FBXL7: variants seen among roughly 807,000 people sequenced by gnomAD.
FBXL7 encodes F-box/LRR-repeat protein 7.
A neutral mutation model predicts 38.3 loss-of-function variants in FBXL7; 12 were observed. That is an observed-to-expected ratio of 0.31 (90% CI 0.20 to 0.51). The LOEUF (loss-of-function observed/expected upper bound fraction) is 0.51, where lower values mean the gene tolerates loss of function less well. Ranked by LOEUF, FBXL7 falls within the 20% of genes least tolerant of loss-of-function variation. The pLI is 0.98. For missense variants in FBXL7, 567 were observed against 676.4 expected (o/e 0.84, Z 1.79); for synonymous variants, 297 against 300.9 (o/e 0.99, Z 0.13).
chr5:15,933,571 C>A (rs1330053783), intron 3 of FBXL7, among the ~76,000 whole-genome samples: 1 of 152,214 alleles, frequency 6.6e-6, no homozygotes, highest in Non-Finnish European at 1.5e-5. Flanking sequence ...GGACTAATCA[C>A]CTTTTGCAAA....
At chr5:15,754,047 G>T (rs569062547) in intron 2 of FBXL7, among the ~76,000 whole-genome samples, 14 of 152,336 alleles carry the variant, frequency 9.2e-5, no homozygotes, top group African/African-American at 3.4e-4. Context: ...ATGTGCAACA[G>T]AATCACTGGA....
At chr5:15,833,605 T>C (rs537427282) in intron 2 of FBXL7, among the ~76,000 whole-genome samples, 1 of 152,306 alleles carries the variant, frequency 6.6e-6, no homozygotes, top group African/African-American at 2.4e-5. Flanking sequence ...AAAGCAATAG[T>C]CACACAAGAC....
intron 2 of FBXL7, among the ~76,000 whole-genome samples, chr5:15,709,960 C>T (rs1339455988): frequency 6.6e-6 from 1 of 152,130 alleles, no homozygotes; most frequent in African/African-American, 2.4e-5. Flanking sequence ...CCTCCTAAAG[C>T]CTCCACCTAT....
At position 15,579,649 on chromosome 5, in the gene FBXL7, C is replaced by T. The variant is rs182672822; in HGVS notation, c.38-36334C>T. Among the ~76,000 whole-genome samples, 308 of 152,176 alleles carry T rather than the reference C, an allele frequency of 2.0e-3. 1 individual carries two copies. The highest frequency in any genetic ancestry group is 2.8e-3 in the Non-Finnish European group (190 of 68,012). On this transcript the variant is annotated intron_variant, in intron 1 of 3. Transcript: ENST00000504595. ...AAAAGTTAGTGACTTAAGCAACAGC[C>T]ATTGTTTTATGATCTCTTTCAGTTC...
rs60144706 is a variant in FBXL7, at chr5:15,589,693, C to T, written c.38-26290C>T. Among the ~76,000 whole-genome samples, 603 of 152,306 alleles carry T rather than the reference C, an allele frequency of 4.0e-3. 10 individuals carry two copies. The highest frequency in any genetic ancestry group is 0.014 in the African/African-American group (572 of 41,570). On this transcript the variant is annotated intron_variant, in intron 1 of 3. Coordinates refer to ENST00000504595, the MANE Select transcript of FBXL7 (RefSeq NM_012304.5). ...AAGAAAAGGCTTTGGAAGTTATTATCTTAAGAAGCTTAAAAGAGAGGGTAC... is the reference window on the plus strand; with the variant it reads ...AAGAAAAGGCTTTGGAAGTTATTATTTTAAGAAGCTTAAAAGAGAGGGTAC...
chr5:15,645,888 C>T (rs1013180587), intron 2 of FBXL7, among the ~76,000 whole-genome samples: 9 of 152,194 alleles, frequency 5.9e-5, no homozygotes, highest in South Asian at 2.1e-4. Context: ...GCCTTCCTGT[C>T]GAAGATTGAA....
chr5:15,911,514 TTC>T (rs1463730061), intron 2 of FBXL7, among the ~76,000 whole-genome samples: 1 of 135,174 alleles, frequency 7.4e-6, no homozygotes, highest in Non-Finnish European at 1.5e-5. Context: ...TGAAGCCTTC[TTC>T]TCTCAGCTCG....
chr5:15,757,965 T>C (rs1363616754), intron 2 of FBXL7, among the ~76,000 whole-genome samples: 1 of 152,134 alleles, frequency 6.6e-6, no homozygotes, highest in East Asian at 1.9e-4. Flanking sequence ...TCTTCCTCTG[T>C]TCTCCTGTTA....
chr5:15,585,544 T>C (rs1457498284), intron 1 of FBXL7, among the ~76,000 whole-genome samples: 1 of 152,224 alleles, frequency 6.6e-6, no homozygotes, highest in Non-Finnish European at 1.5e-5. Flanking sequence ...ATAAACATAG[T>C]AGTTTAAATA....
intron 2 of FBXL7, among the ~76,000 whole-genome samples, chr5:15,695,189 T>TAA (rs1231124990): frequency 3.3e-5 from 5 of 152,058 alleles, no homozygotes; most frequent in Non-Finnish European, 7.4e-5. Context: ...GCAAATGACT[T>TAA]CAGTCTGCCT....
chr5:15,692,246 T>C (rs891041991), intron 2 of FBXL7, among the ~76,000 whole-genome samples: 2 of 152,192 alleles, frequency 1.3e-5, no homozygotes, highest in African/African-American at 4.8e-5. Flanking sequence ...TTCATAGAGA[T>C]GGGAATTAAC....
chr5:15,586,909 A>G (rs571976655), intron 1 of FBXL7, among the ~76,000 whole-genome samples: 19 of 152,368 alleles, frequency 1.2e-4, no homozygotes, highest in African/African-American at 4.1e-4. Context: ...GGTTGCCAAG[A>G]CAGACCTTTA....
chr5:15,528,785 G>GT (rs567478548), intron 1 of FBXL7, among the ~76,000 whole-genome samples: 2 of 152,006 alleles, frequency 1.3e-5, no homozygotes, highest in African/African-American at 4.8e-5. Context: ...CTGAAGGCCG[G>GT]TTTTTTTAAA....
intron 2 of FBXL7, among the ~76,000 whole-genome samples, chr5:15,830,345 A>G (rs1229532763): frequency 6.6e-6 from 1 of 151,964 alleles, no homozygotes; most frequent in Admixed American, 6.6e-5. Context: ...TTAACTGGGC[A>G]TGGTGGCACA....
At chr5:15,919,231 T>C (rs974066850) in intron 2 of FBXL7, among the ~76,000 whole-genome samples, 10 of 152,304 alleles carry the variant, frequency 6.6e-5, no homozygotes, top group East Asian at 3.9e-4. Context: ...GCCATTGTAA[T>C]GTAAATATGA....
chr5:15,580,775 A>G, intron 1 of FBXL7: 1 of 985,398 alleles, frequency 1.0e-6, no homozygotes, highest in Non-Finnish European at 1.2e-6. Flanking sequence ...CAGACCGTCA[A>G]GGGTCCTGGC....
At chr5:15,527,467 G>A (rs1737284823) in intron 1 of FBXL7, among the ~76,000 whole-genome samples, 1 of 152,062 alleles carries the variant, frequency 6.6e-6, no homozygotes, top group Non-Finnish European at 1.5e-5. Context: ...TTTAAATTCA[G>A]TTCATCAGAG....
At chr5:15,608,703 A>T (rs926796807) in intron 1 of FBXL7, among the ~76,000 whole-genome samples, 4 of 152,222 alleles carry the variant, frequency 2.6e-5, no homozygotes, top group Non-Finnish European at 5.9e-5. Flanking sequence ...ATTCTGCCAC[A>T]ATCCTGCAGC....
At chr5:15,502,192 G>A (rs888826317) in intron 1 of FBXL7, among the ~76,000 whole-genome samples, 14 of 152,134 alleles carry the variant, frequency 9.2e-5, no homozygotes, top group African/African-American at 3.4e-4. Context: ...GGGGGAGAAA[G>A]ACAGCCCAAG....
Sources: allele counts gnomAD v4.1 joint callset (sites outside exome capture counted in the v4.1 genomes callset), GRCh38; gene constraint gnomAD v4.1.1; transcripts MANE v1.5; gene names NCBI Gene and HGNC (gene_info 2026-07-23, HGNC 2026-07-21).